STK3: variants seen among roughly 807,000 people sequenced by gnomAD.
STK3 encodes the protein serine/threonine kinase 3.
STK3 carries 41 observed loss-of-function variants against 58.0 expected under a neutral mutation model. The observed-to-expected ratio is 0.71, with a 90% CI of 0.55 to 0.92. The LOEUF (loss-of-function observed/expected upper bound fraction) is 0.92. Ranked by LOEUF, STK3 falls within the 40% of genes least tolerant of loss-of-function variation. The probability of loss-of-function intolerance (pLI) is 0.00; values close to 1 mark genes in which losing one functional copy is unlikely to be tolerated. For missense variants in STK3, 479 were observed against 602.7 expected (o/e 0.79, Z 2.15); for synonymous variants, 170 against 191.0 (o/e 0.89, Z 0.91).
intron 4 of STK3, among the ~76,000 whole-genome samples, chr8:98,735,016 T>C (rs1274878339): frequency 6.6e-6 from 1 of 152,204 alleles, no homozygotes; most frequent in Admixed American, 6.5e-5. Flanking sequence ...ATTTCACACA[T>C]GCCAAGGTTA....
chr8:98,404,421 C>T (rs1817973872), intron 3 of STK3, among the ~76,000 whole-genome samples: 1 of 152,134 alleles, frequency 6.6e-6, no homozygotes, highest in African/African-American at 2.4e-5. Context: ...TGGCTCACGC[C>T]TGTAACCCCA....
At chr8:98,398,603 A>T (rs1817915509), downstream of STK3, among the ~76,000 whole-genome samples, 1 of 152,164 alleles carries the variant, frequency 6.6e-6, no homozygotes, top group African/African-American at 2.4e-5. Context: ...GGGACTTGAC[A>T]TCTCCTCAGT....
intron 1 of STK3, among the ~76,000 whole-genome samples, chr8:98,894,547 T>C (rs976320615): frequency 1.3e-5 from 2 of 152,194 alleles, no homozygotes; most frequent in Non-Finnish European, 2.9e-5. Context: ...CTCTGTTTGT[T>C]CCCAGCATTT....
chr8:98,697,877 G>T (rs1458137248), intron 6 of STK3, among the ~76,000 whole-genome samples: 1 of 152,096 alleles, frequency 6.6e-6, no homozygotes, highest in Non-Finnish European at 1.5e-5. Flanking sequence ...TGTCTATTAG[G>T]TCTGCTTGGT....
intron 6 of STK3, among the ~76,000 whole-genome samples, chr8:98,614,380 T>G: frequency 6.6e-6 from 1 of 150,772 alleles, no homozygotes; most frequent in East Asian, 1.9e-4. Context: ...AATAGGAAAA[T>G]CAAGCACTTG....
chr8:98,812,374 A>G (rs1447292126), intron 1 of STK3, among the ~76,000 whole-genome samples: 1 of 152,234 alleles, frequency 6.6e-6, no homozygotes, highest in African/African-American at 2.4e-5. Context: ...CAATCATTAA[A>G]AAGTCAGGAA....
chr8:98,756,384 C>G (rs1830289100), intron 3 of STK3, among the ~76,000 whole-genome samples: 1 of 151,938 alleles, frequency 6.6e-6, no homozygotes, highest in South Asian at 2.1e-4. Flanking sequence ...TTAGCGGGCC[C>G]AGGATAAAGT....
the STK3 span, among the ~76,000 whole-genome samples, chr8:98,353,966 A>G: frequency 6.6e-6 from 1 of 152,176 alleles, no homozygotes; most frequent in Non-Finnish European, 1.5e-5. Context: ...TTTTTTAAAA[A>G]AAAGAACTCA....
intron 1 of STK3, chr8:98,905,096 C>T (rs1838838139): frequency 7.0e-7 from 1 of 1,420,212 alleles, no homozygotes; most frequent in Non-Finnish European, 9.9e-7. Context: ...GTTCATTACA[C>T]TGCTCAGTAA....
At chr8:98,419,360 C>G (rs1390955954) in intron 3 of STK3, among the ~76,000 whole-genome samples, 1 of 142,264 alleles carries the variant, frequency 7.0e-6, no homozygotes, top group Admixed American at 7.0e-5. Flanking sequence ...GACTCCATCT[C>G]AAAAAAAAAA....
intron 6 of STK3, among the ~76,000 whole-genome samples, chr8:98,644,151 A>G (rs1043683401): frequency 6.6e-6 from 1 of 152,212 alleles, no homozygotes; most frequent in East Asian, 1.9e-4. Context: ...GCCAAGTTTT[A>G]TATTATTTAG....
intron 2 of STK3, among the ~76,000 whole-genome samples, chr8:98,768,506 T>G (rs537585146): frequency 6.6e-6 from 1 of 152,350 alleles, no homozygotes; most frequent in South Asian, 2.1e-4. Flanking sequence ...TGAAGTCATT[T>G]AATTTGGTTT....
intron 6 of STK3, among the ~76,000 whole-genome samples, chr8:98,630,819 G>GA (rs1819165266): frequency 6.6e-6 from 1 of 151,248 alleles, no homozygotes; most frequent in Non-Finnish European, 1.5e-5. Context: ...AGAAGAAGAA[G>GA]AAGAAAGAAA....
At chr8:98,599,448 T>A (rs1816139322) in intron 6 of STK3, among the ~76,000 whole-genome samples, 1 of 151,396 alleles carries the variant, frequency 6.6e-6, no homozygotes, top group Non-Finnish European at 1.5e-5. Context: ...ATCATTTTGT[T>A]TTTTTTTTCC....
chr8:98,400,933 C>T (rs1481494081), downstream of STK3, among the ~76,000 whole-genome samples: 6 of 152,104 alleles, frequency 3.9e-5, no homozygotes, highest in Admixed American at 2.0e-4. Flanking sequence ...CATTCCAGAA[C>T]TTTGCAATTC....
At chr8:98,761,223 A>C (rs1830596295) in intron 3 of STK3, among the ~76,000 whole-genome samples, 1 of 151,430 alleles carries the variant, frequency 6.6e-6, no homozygotes, top group Non-Finnish European at 1.5e-5. Context: ...TCCTGGGCTC[A>C]AGCAATCCTC....
intron 10 of STK3, among the ~76,000 whole-genome samples, chr8:98,467,147 G>A (rs767758793): frequency 3.3e-5 from 5 of 152,074 alleles, no homozygotes; most frequent in South Asian, 4.2e-4. Flanking sequence ...CCAGGTAACC[G>A]TATCCCTTTC....
At chr8:98,520,837 G>A (rs976079698) in intron 10 of STK3, among the ~76,000 whole-genome samples, 19 of 152,048 alleles carry the variant, frequency 1.2e-4, no homozygotes, top group Admixed American at 1.2e-3. Flanking sequence ...CTCATTAACA[G>A]CTGGTATCTT....
intron 1 of STK3, among the ~76,000 whole-genome samples, chr8:98,893,540 A>AAAG (rs1564087625): frequency 4.7e-4 from 67 of 141,630 alleles, no homozygotes; most frequent in African/African-American, 1.6e-3. Flanking sequence ...AAGAAAGAAA[A>AAAG]AGAAAGAGAA....
Sources: allele counts gnomAD v4.1 joint callset (sites outside exome capture counted in the v4.1 genomes callset), GRCh38; gene constraint gnomAD v4.1.1; transcripts MANE v1.5; gene names NCBI Gene and HGNC (gene_info 2026-07-23, HGNC 2026-07-21).